The following SDHAF3 variants were observed in gnomAD, a reference collection of about 807,000 sequenced individuals.
SDHAF3 encodes the protein succinate dehydrogenase complex assembly factor 3.
Under a neutral mutation model 11.5 loss-of-function variants are expected in SDHAF3, and 18 were observed. That is an observed-to-expected ratio of 1.56 (90% CI 1.08 to 2.32). The LOEUF is 2.32. SDHAF3 is among the 30% of genes most tolerant of loss of function. The probability of loss-of-function intolerance (pLI) is 0.00; values close to 1 mark genes in which losing one functional copy is unlikely to be tolerated. For missense variants in SDHAF3, 200 were observed against 154.4 expected, an observed-to-expected ratio of 1.30 and a Z score of -1.57; for synonymous variants, 72 against 59.3, an observed-to-expected ratio of 1.21 and a Z score of -0.99.
chr7:97,153,621 GTAAAGTGTCTTCCA>G (rs1245404168), intron 1 of SDHAF3, among the ~76,000 whole-genome samples: 1 of 152,226 alleles, frequency 6.6e-6, no homozygotes, highest in African/African-American at 2.4e-5. Context: ...GTTAGAAATT[GTAAAGTGTCTTCCA>G]AAGTGGCTGT....
At chr7:97,122,590 A>G (rs1791518674) in intron 1 of SDHAF3, among the ~76,000 whole-genome samples, 1 of 152,070 alleles carries the variant, frequency 6.6e-6, no homozygotes, top group Non-Finnish European at 1.5e-5. Context: ...AACAGAATGG[A>G]TAACTCTCAG....
At chr7:97,141,270 G>A (rs998826236) in intron 1 of SDHAF3, among the ~76,000 whole-genome samples, 2 of 152,154 alleles carry the variant, frequency 1.3e-5, no homozygotes, top group African/African-American at 4.8e-5. Flanking sequence ...CTGTGGTCCT[G>A]TGATCTCGCC....
Position 97,176,072 on chromosome 7 carries a change from G to C in SDHAF3, c.175-4940G>C, listed in dbSNP as rs565790358. Among the ~76,000 whole-genome samples the C allele has an allele frequency of 5.3e-5, 8 of 152,240 alleles. No homozygotes were observed. The South Asian group carries it at 1.7e-3, about 32-fold the overall frequency. On this transcript the variant is annotated intron_variant, in intron 1 of 1. Transcript: ENST00000432641. ...TATCTCATCCCCTCTAAGAATACTT[G>C]TGACCGTATTTTCAGGACCATCAGG...
At chr7:97,143,750 C>T (rs1789092817) in intron 1 of SDHAF3, among the ~76,000 whole-genome samples, 1 of 151,262 alleles carries the variant, frequency 6.6e-6, no homozygotes, top group Non-Finnish European at 1.5e-5. Flanking sequence ...TGGGTTGGTT[C>T]CACTATTTTG....
chr7:97,173,869 C>G (rs924842349), intron 1 of SDHAF3, among the ~76,000 whole-genome samples: 19 of 151,136 alleles, frequency 1.3e-4, no homozygotes, highest in African/African-American at 4.6e-4. Context: ...TTCTTAATAC[C>G]AAACATCCAG....
At chr7:97,167,154 T>C (rs1584231829) in intron 1 of SDHAF3, among the ~76,000 whole-genome samples, 1 of 152,070 alleles carries the variant, frequency 6.6e-6, no homozygotes, top group South Asian at 2.1e-4. Flanking sequence ...CCAAATCTCA[T>C]GTCAAATTGG....
rs1331189710 is a variant in SDHAF3, at chr7:97,178,310, G to GTTATT, written c.175-2699_175-2695dup. ...TATCTGCTTGCTGGTGGACATCTAG[G>GTTATT]TTATTTTCCAAATGTCGTCTATTGT... On this transcript the variant is annotated intron_variant, in intron 1 of 1. Transcript: ENST00000432641. 2.6e-5 allele frequency among the ~76,000 whole-genome samples: 4 copies of GTTATT among 152,188 alleles called. No homozygotes were observed. In the East Asian group the frequency reaches 7.7e-4, roughly 29 times the overall value.
At chr7:97,162,619 A>G (rs1667180944) in intron 1 of SDHAF3, among the ~76,000 whole-genome samples, 1 of 152,036 alleles carries the variant, frequency 6.6e-6, no homozygotes, top group Non-Finnish European at 1.5e-5. Context: ...CGAAGAACAT[A>G]TTTATTTCTG....
chr7:97,171,704 T>C (rs963924000), intron 1 of SDHAF3, among the ~76,000 whole-genome samples: 1 of 152,070 alleles, frequency 6.6e-6, no homozygotes, highest in African/African-American at 2.4e-5. Flanking sequence ...CATGCTTTTC[T>C]AAATAAGAAT....
intron 1 of SDHAF3, among the ~76,000 whole-genome samples, chr7:97,129,030 T>C (rs888553976): frequency 2.6e-5 from 4 of 152,156 alleles, no homozygotes; most frequent in Admixed American, 6.5e-5. Flanking sequence ...GAATAATTAA[T>C]TAGTGTAGAA....
At chr7:97,166,240 G>C (rs1789502681) in intron 1 of SDHAF3, among the ~76,000 whole-genome samples, 1 of 152,160 alleles carries the variant, frequency 6.6e-6, no homozygotes, top group Non-Finnish European at 1.5e-5. Context: ...AGGAGGTCCT[G>C]ACATCATATG....
intron 1 of SDHAF3, among the ~76,000 whole-genome samples, chr7:97,122,413 G>T (rs1791515508): frequency 6.6e-6 from 1 of 152,068 alleles, no homozygotes; most frequent in Non-Finnish European, 1.5e-5. Context: ...AGGGAGAACT[G>T]TTAGTAGATG....
intron 1 of SDHAF3, among the ~76,000 whole-genome samples, chr7:97,133,340 T>C (rs1791697562): frequency 6.6e-6 from 1 of 152,224 alleles, no homozygotes; most frequent in Non-Finnish European, 1.5e-5. Flanking sequence ...TGTGGACCTC[T>C]ATTAAGCTTT....
chr7:97,131,323 T>A (rs1460910860), intron 1 of SDHAF3, among the ~76,000 whole-genome samples: 1 of 152,222 alleles, frequency 6.6e-6, no homozygotes, highest in Non-Finnish European at 1.5e-5. Flanking sequence ...TAGCACAATA[T>A]CTTGTAAATC....
At chr7:97,167,040 A>G (rs541925442) in intron 1 of SDHAF3, among the ~76,000 whole-genome samples, 24 of 120,342 alleles carry the variant, frequency 2.0e-4, no homozygotes, top group African/African-American at 6.9e-4. Flanking sequence ...TACAACTTTC[A>G]GTGATTTTTT....
chr7:97,175,310 G>A (rs1281684671), intron 1 of SDHAF3, among the ~76,000 whole-genome samples: 1 of 152,146 alleles, frequency 6.6e-6, no homozygotes. Context: ...TACATGTGAA[G>A]GTTTGTTGCA....
chr7:97,178,721 G>A (rs996991139), intron 1 of SDHAF3, among the ~76,000 whole-genome samples: 3 of 152,036 alleles, frequency 2.0e-5, no homozygotes, highest in Admixed American at 6.6e-5. Context: ...TCTTTTAGTT[G>A]TGGTTCTTTA....
intron 1 of SDHAF3, among the ~76,000 whole-genome samples, chr7:97,161,282 T>G (rs2115717850): frequency 6.6e-6 from 1 of 152,298 alleles, no homozygotes; most frequent in African/African-American, 2.4e-5. Context: ...TCTATTAGTA[T>G]TTTTACCTTA....
At chr7:97,144,521 C>G (rs939322012) in intron 1 of SDHAF3, among the ~76,000 whole-genome samples, 5 of 152,168 alleles carry the variant, frequency 3.3e-5, no homozygotes, top group Non-Finnish European at 7.4e-5. Flanking sequence ...CAGTTTCATT[C>G]TCTTACATGT....
Sources: gnomAD v4.1 joint callset for allele counts (sites outside exome capture counted in the v4.1 genomes callset) on GRCh38, gnomAD v4.1.1 for gene constraint, MANE v1.5 for transcripts, NCBI Gene and HGNC (gene_info 2026-07-23, HGNC 2026-07-21) for gene names.